The following CSMD1 variants were observed in gnomAD, a reference collection of about 807,000 sequenced individuals.
CSMD1 encodes CUB and sushi domain-containing protein 1.
In CSMD1, 213 loss-of-function variants were observed where a neutral mutation model predicts 417.5. The observed-to-expected ratio is 0.51, with a 90% CI of 0.46 to 0.57. The LOEUF (loss-of-function observed/expected upper bound fraction) is 0.57, where lower values mean the gene tolerates loss of function less well. CSMD1 is among the 20% of genes least tolerant of loss of function. The pLI is 0.00. For missense variants in CSMD1, 6,923 were observed against 4,529.7 expected, an observed-to-expected ratio of 1.53 and a Z score of -15.17; for synonymous variants, 2,862 against 1,736.8, an observed-to-expected ratio of 1.65 and a Z score of -16.11.
At chr8:3,780,022 G>A (rs1335895065) in intron 5 of CSMD1, among the ~76,000 whole-genome samples, 1 of 152,112 alleles carries the variant, frequency 6.6e-6, no homozygotes, top group Non-Finnish European at 1.5e-5. Flanking sequence ...ACATGTTCCT[G>A]GTATTCACAC....
At chr8:4,452,398 T>C (rs1005169715) in intron 2 of CSMD1, among the ~76,000 whole-genome samples, 10 of 152,138 alleles carry the variant, frequency 6.6e-5, no homozygotes, top group Non-Finnish European at 1.3e-4. Context: ...GGGCTTGGGG[T>C]TCAGAGGTTC....
At chr8:4,655,065 A>C (rs1008514693) in intron 1 of CSMD1, among the ~76,000 whole-genome samples, 1 of 152,054 alleles carries the variant, frequency 6.6e-6, no homozygotes, top group Admixed American at 6.5e-5. Flanking sequence ...ATCTTTGTAA[A>C]TCATTTGTCC....
chr8:4,582,631 C>T (rs565425118), intron 2 of CSMD1, among the ~76,000 whole-genome samples: 1 of 152,332 alleles, frequency 6.6e-6, no homozygotes, highest in Non-Finnish European at 1.5e-5. Context: ...CCTGGAAATG[C>T]ACCAGCCCTC....
chr8:4,642,484 G>A (rs1045368915), intron 1 of CSMD1, among the ~76,000 whole-genome samples: 1 of 152,204 alleles, frequency 6.6e-6, no homozygotes, highest in Admixed American at 6.5e-5. Context: ...TAGCAGCTGA[G>A]ATGATTCATC....
intron 2 of CSMD1, among the ~76,000 whole-genome samples, chr8:4,546,027 A>G (rs1283129391): frequency 6.6e-6 from 1 of 152,084 alleles, no homozygotes; most frequent in Non-Finnish European, 1.5e-5. Context: ...ATCTACAGAG[A>G]CTTTTCAGCT....
At chr8:3,406,268 T>G (rs1321800978) in intron 14 of CSMD1, 47 bp from the exon 15 acceptor site, 3 of 1,422,720 alleles carry the variant, frequency 2.1e-6, no homozygotes, top group Admixed American at 4.7e-5. Context: ...ACTTGAGTAT[T>G]AATTACATGT....
chr8:3,252,649 C>G (rs189726312), intron 26 of CSMD1, among the ~76,000 whole-genome samples: 34 of 152,260 alleles, frequency 2.2e-4, no homozygotes, highest in Admixed American at 2.0e-3. Flanking sequence ...GCAGTTCCTC[C>G]TTATACCTCT....
At position 3,268,287 on chromosome 8, in the gene CSMD1, C is replaced by CTTTTTTTTTTTTTTTTTTT. The variant is rs1172040830; in HGVS notation, c.4153+15856_4153+15857insAAAAAAAAAAAAAAAAAAA. 2.6e-5 allele frequency among the ~76,000 whole-genome samples: 3 copies of CTTTTTTTTTTTTTTTTTTT among 114,652 alleles called. 1 individual carries two copies. The allele number at this position is 114,652 out of a possible 152,430, so 75.2% of individuals were successfully genotyped here. On this transcript the variant is annotated intron_variant, in intron 26 of 69. Transcript: ENST00000635120. ...AGGGTGTGGTCAGATGGTTCATTTC[C>CTTTTTTTTTTTTTTTTTTT]TATTTTTTTTTTTTTTTTTTTTTTT...
chr8:4,769,517 G>A (rs901540037), intron 1 of CSMD1, among the ~76,000 whole-genome samples: 1 of 152,110 alleles, frequency 6.6e-6, no homozygotes, highest in Non-Finnish European at 1.5e-5. Flanking sequence ...GAAATACTTA[G>A]AATATTTTCT....
chr8:3,652,944 C>G (rs1797933238), intron 7 of CSMD1, among the ~76,000 whole-genome samples: 1 of 152,152 alleles, frequency 6.6e-6, no homozygotes, highest in Non-Finnish European at 1.5e-5. Context: ...AGACTGAAAG[C>G]CCCTTATTTT....
At chr8:4,781,365 G>C (rs1398680189) in intron 1 of CSMD1, among the ~76,000 whole-genome samples, 3 of 152,162 alleles carry the variant, frequency 2.0e-5, no homozygotes, top group Non-Finnish European at 4.4e-5. Context: ...TCCCTTTCTA[G>C]ATCACTCTCT....
intron 3 of CSMD1, among the ~76,000 whole-genome samples, chr8:4,147,018 G>T (rs1452759705): frequency 6.6e-6 from 1 of 151,920 alleles, no homozygotes; most frequent in African/African-American, 2.4e-5. Flanking sequence ...GAGGCCAGGA[G>T]AGTCAGAGAT....
chr8:3,885,090 T>C (rs183661282), intron 5 of CSMD1, among the ~76,000 whole-genome samples: 32 of 152,180 alleles, frequency 2.1e-4, no homozygotes, highest in Middle Eastern at 3.4e-3. Context: ...TAGCTTCTCA[T>C]ATACATGCTT....
intron 19 of CSMD1, among the ~76,000 whole-genome samples, chr8:3,368,521 T>G (rs934466122): frequency 2.0e-5 from 3 of 152,092 alleles, no homozygotes; most frequent in African/African-American, 7.2e-5. Flanking sequence ...GTATTTTTAG[T>G]AGAGACAAGG....
chr8:4,355,352 A>G (rs1368004266), intron 3 of CSMD1, among the ~76,000 whole-genome samples: 1 of 151,960 alleles, frequency 6.6e-6, no homozygotes, highest in East Asian at 1.9e-4. Flanking sequence ...TATATGATAT[A>G]TATACACACA....
chr8:4,093,042 G>C (rs939822531), intron 3 of CSMD1, among the ~76,000 whole-genome samples: 1 of 151,976 alleles, frequency 6.6e-6, no homozygotes, highest in African/African-American at 2.4e-5. Flanking sequence ...TGACTTGTTG[G>C]TTATTGCATA....
At chr8:4,181,179 C>G (rs887063471) in intron 3 of CSMD1, among the ~76,000 whole-genome samples, 1 of 152,000 alleles carries the variant, frequency 6.6e-6, no homozygotes, top group Non-Finnish European at 1.5e-5. Context: ...AATGAGAAAG[C>G]ATTGAATAAA....
Position 3,906,639 on chromosome 8 carries a change from T to G in CSMD1, c.818+91264A>C, listed in dbSNP as rs1808130768. Among the ~76,000 whole-genome samples the G allele has an allele frequency of 5.9e-5, 9 of 151,892 alleles. No homozygotes were observed. In the South Asian group the frequency reaches 1.7e-3, roughly 28 times the overall value. ...AACAAACCTAAGCTTTTTTTTTTTT[T>G]CAGATTTGCAAAGTACACCTTGCAC... On this transcript the variant is annotated intron_variant, in intron 5 of 69. Transcript: ENST00000635120.
intron 1 of CSMD1, among the ~76,000 whole-genome samples, chr8:4,938,582 T>C (rs909089276): frequency 1.3e-5 from 2 of 152,190 alleles, no homozygotes; most frequent in Non-Finnish European, 1.5e-5. Context: ...GTCAGTCTTA[T>C]CGGGAAAACG....
Sources: gnomAD v4.1 joint callset for allele counts (sites outside exome capture counted in the v4.1 genomes callset) on GRCh38, gnomAD v4.1.1 for gene constraint, MANE v1.5 for transcripts, NCBI Gene and HGNC (gene_info 2026-07-23, HGNC 2026-07-21) for gene names.